The following DDX10 variants were observed in gnomAD, a reference collection of about 807,000 sequenced individuals.
The protein encoded by DDX10 is DEAD-box helicase 10.
DDX10 carries 74 observed loss-of-function variants against 104.3 expected under a neutral mutation model. The observed-to-expected ratio is 0.71, with a 90% CI of 0.59 to 0.86. The LOEUF (loss-of-function observed/expected upper bound fraction) is 0.86. Ranked by LOEUF, DDX10 falls within the 40% of genes least tolerant of loss-of-function variation. The probability of loss-of-function intolerance (pLI) is 0.00; values close to 1 mark genes in which losing one functional copy is unlikely to be tolerated. For missense variants in DDX10, 952 were observed against 1,040.0 expected (o/e 0.92, Z 1.16); for synonymous variants, 351 against 353.4 (o/e 0.99, Z 0.08).
chr11:108,733,139 T>C (rs1313641464), intron 13 of DDX10, among the ~76,000 whole-genome samples: 1 of 151,968 alleles, frequency 6.6e-6, no homozygotes, highest in African/African-American at 2.4e-5. Context: ...AGCTTTTTCT[T>C]TTTTTAGTAC....
intron 16 of DDX10, among the ~76,000 whole-genome samples, chr11:108,853,507 A>G (rs943736155): frequency 6.6e-6 from 1 of 151,426 alleles, no homozygotes; most frequent in Non-Finnish European, 1.5e-5. Context: ...AATATGGTTT[A>G]TTTTTTATAC....
intron 15 of DDX10, among the ~76,000 whole-genome samples, chr11:108,843,705 G>A (rs1017453968): frequency 4.0e-5 from 6 of 151,576 alleles, no homozygotes; most frequent in African/African-American, 7.3e-5. Flanking sequence ...GCAGTGAGCC[G>A]AGGTCGTGCC....
At chr11:108,849,650 G>A (rs911209738) in intron 15 of DDX10, among the ~76,000 whole-genome samples, 2 of 151,928 alleles carry the variant, frequency 1.3e-5, no homozygotes, top group Non-Finnish European at 2.9e-5. Context: ...TTAATCATTT[G>A]TAGCATGGCA....
In DDX10 at chr11:108,924,754, A is replaced by G. The variant is rs181841468; in HGVS notation, c.2450+6736A>G. 7.8e-4 allele frequency among the ~76,000 whole-genome samples: 119 copies of G among 152,326 alleles called. 1 individual carries two copies. The highest frequency in any genetic ancestry group is 2.8e-3 in the African/African-American group (117 of 41,570). On this transcript the variant is annotated intron_variant, in intron 17 of 17. Transcript: ENST00000322536. ...CTAAGATTTTACAGTCAGCTTCATA[A>G]TTTGTGGGAGGCTTTTCACTTGGAA...
intron 16 of DDX10, among the ~76,000 whole-genome samples, chr11:108,876,962 A>G (rs550356596): frequency 1.3e-5 from 2 of 152,152 alleles, no homozygotes; most frequent in Non-Finnish European, 2.9e-5. Flanking sequence ...TCTTGGTTTG[A>G]TAGTGGTTAG....
intron 9 of DDX10, among the ~76,000 whole-genome samples, chr11:108,694,656 G>A (rs768388283): frequency 2.6e-5 from 4 of 152,116 alleles, no homozygotes; most frequent in Non-Finnish European, 5.9e-5. Flanking sequence ...CGAGGTGGGC[G>A]GATCACGAGG....
intron 17 of DDX10, among the ~76,000 whole-genome samples, chr11:108,937,222 T>C (rs1864047812): frequency 6.6e-6 from 1 of 152,182 alleles, no homozygotes; most frequent in Admixed American, 6.5e-5. Flanking sequence ...AGTGAGGGAC[T>C]GGGAGGAAGG....
Position 108,679,414 on chromosome 11 carries a change from T to C in DDX10, c.702T>C (p.Asp234=). Residue 234 remains aspartate (D), a synonymous_variant, in exon 6 of 18, where the codon GAT becomes GAC. Coordinates refer to ENST00000322536, the MANE Select transcript of DDX10 (RefSeq NM_004398.4). Reference sequence around the variant, plus strand: ...GAATCTTGGATATGGGCTTTGCTGATACCATGAATGCTGTTATTGAAAATC... The same window carrying C: ...GAATCTTGGATATGGGCTTTGCTGACACCATGAATGCTGTTATTGAAAATC... ...ADRILDMGFA[D]TMNAVIENLP... 2.5e-6 allele frequency: 4 copies of C among 1,609,704 alleles called. 1 individual carries two copies. The South Asian group carries it at 4.4e-5, about 18-fold the overall frequency.
intron 13 of DDX10, among the ~76,000 whole-genome samples, chr11:108,801,565 C>A (rs1862020980): frequency 6.6e-6 from 1 of 152,166 alleles, no homozygotes; most frequent in Non-Finnish European, 1.5e-5. Context: ...TAACCTCTTA[C>A]AGCCCCCAAT....
chr11:108,917,853 C>T lies in DDX10; in HGVS notation c.2305-20C>T. ...CAACTGACTTCTTCAACTGCAGTTT[C>T]CCTTATTATTATTTTTTAGGCCAAA... On this transcript the variant is annotated intron_variant, in intron 16 of 17. Transcript: ENST00000322536. 2.5e-6 allele frequency: 4 copies of T among 1,607,436 alleles called. No individual in the cohort carries two copies. The highest frequency in any genetic ancestry group is 3.4e-6 in the Non-Finnish European group (4 of 1,178,576).
At chr11:108,834,594 T>C (rs906746690) in intron 13 of DDX10, among the ~76,000 whole-genome samples, 1 of 152,152 alleles carries the variant, frequency 6.6e-6, no homozygotes, top group Non-Finnish European at 1.5e-5. Context: ...GTTTATGTGA[T>C]TATAATTTAC....
At chr11:108,834,949 AG>A in intron 13 of DDX10, among the ~76,000 whole-genome samples, 3 of 149,342 alleles carry the variant, frequency 2.0e-5, no homozygotes, top group Non-Finnish European at 3.0e-5. Flanking sequence ...AAAAAAAAAA[AG>A]AATTGTCTTA....
At chr11:108,693,107 A>G (rs992290523) in intron 8 of DDX10, among the ~76,000 whole-genome samples, 2 of 151,520 alleles carry the variant, frequency 1.3e-5, no homozygotes, top group African/African-American at 2.4e-5. Context: ...CCACTCTTCA[A>G]CTCCCACTTA....
intron 16 of DDX10, among the ~76,000 whole-genome samples, chr11:108,889,923 A>G (rs551931756): frequency 7.2e-5 from 11 of 152,346 alleles, no homozygotes; most frequent in East Asian, 1.9e-4. Context: ...ATAGTTTTCA[A>G]TACTTAAACA....
Position 108,841,324 on chromosome 11 carries a change from C to T in DDX10, c.2095C>T (p.Gln699Ter), listed in dbSNP as rs762613483. The T allele has an allele frequency of 6.2e-7, 1 of 1,612,622 alleles. No individual in the cohort carries two copies. The highest frequency in any genetic ancestry group is 1.1e-5 in the South Asian group (1 of 90,920). Reference protein sequence around the residue: ...TFTDEGELVQQWPQMQKSAIK... With the variant: ...TFTDEGELVQ ...TTTTTTTTACCTGTAGTTGGTTCAG[C>T]AGTGGCCACAAATGCAGAAATCTGC... The change falls in exon 15 of 18, where the codon CAG (glutamine) becomes TAG (stop). Residue 699 changes from glutamine to a stop codon, truncating the protein, a stop_gained. Coordinates refer to ENST00000322536, the MANE Select transcript of DDX10 (RefSeq NM_004398.4). LOFTEE classifies it high-confidence loss of function.
chr11:108,734,034 C>A (rs2094315464), intron 13 of DDX10, among the ~76,000 whole-genome samples: 1 of 152,168 alleles, frequency 6.6e-6, no homozygotes, highest in South Asian at 2.1e-4. Flanking sequence ...CTTGTCTCTT[C>A]TTTGAAGCCA....
intron 14 of DDX10, among the ~76,000 whole-genome samples, chr11:108,840,998 T>A (rs1446776553): frequency 6.6e-6 from 1 of 152,150 alleles, no homozygotes; most frequent in East Asian, 1.9e-4. Context: ...TGAGCTGAGT[T>A]GTGTGGAGAA....
intron 16 of DDX10, among the ~76,000 whole-genome samples, chr11:108,910,539 C>A (rs565990266): frequency 1.3e-5 from 2 of 152,312 alleles, no homozygotes; most frequent in Admixed American, 6.5e-5. Context: ...TTTCACCTGA[C>A]CTACTTGTAA....
intron 13 of DDX10, among the ~76,000 whole-genome samples, chr11:108,785,807 T>A (rs1381695044): frequency 6.6e-6 from 1 of 152,162 alleles, no homozygotes; most frequent in Non-Finnish European, 1.5e-5. Flanking sequence ...TATTTGGATC[T>A]TCTGTTTTTT....
Sources: allele counts gnomAD v4.1 joint callset (sites outside exome capture counted in the v4.1 genomes callset), GRCh38; gene constraint gnomAD v4.1.1; transcripts MANE v1.5; gene names NCBI Gene and HGNC (gene_info 2026-07-23, HGNC 2026-07-21).